ERAP2: variants seen among roughly 807,000 people sequenced by gnomAD.
ERAP2 encodes leukocyte-derived arginine aminopeptidase.
In ERAP2, 118 loss-of-function variants were observed where a neutral mutation model predicts 111.1. The observed-to-expected ratio is 1.06, with a 90% CI of 0.92 to 1.24. The LOEUF is 1.24. ERAP2 is among the 50% of genes most tolerant of loss of function. The pLI is 0.00. For synonymous variants in ERAP2, 410 were observed against 401.2 expected (o/e 1.02, Z -0.26); for missense variants, 1,131 against 1,125.8 (o/e 1.00, Z -0.07).
chr5:96,894,193 C>CTGAA (rs1166210286), intron 6 of ERAP2, among the ~76,000 whole-genome samples: 1 of 152,212 alleles, frequency 6.6e-6, no homozygotes, highest in East Asian at 1.9e-4. Context: ...TAGGTATTTA[C>CTGAA]TGAATGAATG....
intron 15 of ERAP2, among the ~76,000 whole-genome samples, chr5:96,912,199 A>G (rs960150153): frequency 8.0e-5 from 12 of 150,090 alleles, no homozygotes; most frequent in African/African-American, 2.4e-4. Context: ...AAAAAAAAAA[A>G]AAAAAGAAAA....
At position 96,883,940 on chromosome 5, in the gene ERAP2, C is replaced by T. The variant is rs183470843; in HGVS notation, c.714+10C>T. 3 of 1,555,176 alleles carry T rather than the reference C, an allele frequency of 1.9e-6. No homozygotes were observed. Among genetic ancestry groups the T allele is most frequent in the African/African-American group, 2.8e-5 (2 of 71,748 alleles). ...ATCCAACATGCCAAAGGTATGTCCA[C>T]TTCCAGAAACTTTTAGAAATTGTTC... On this transcript the variant is annotated intron_variant, in intron 3 of 18. Coordinates refer to ENST00000437043, the MANE Select transcript of ERAP2 (RefSeq NM_022350.5).
chr5:96,884,212 G>A (rs999149668), intron 3 of ERAP2, among the ~76,000 whole-genome samples: 2 of 152,092 alleles, frequency 1.3e-5, no homozygotes, highest in Admixed American at 6.6e-5. Context: ...TTAAATCTGT[G>A]TTTCTTGGCC....
rs1554055535 is a variant in ERAP2, at chr5:96,887,073, G to GTGTATATA, written c.849+285_849+286insGTATATAT. Among the ~76,000 whole-genome samples the GTGTATATA allele has an allele frequency of 9.2e-4, 80 of 87,194 alleles. 1 individual carries two copies. The highest frequency in any genetic ancestry group is 3.4e-3 in the African/African-American group (78 of 22,808). The allele number at this position is 87,194 out of a possible 152,430, so 57.2% of individuals were successfully genotyped here. A position where few individuals can be genotyped will look rare whatever the true frequency, so the allele number is the denominator to read the frequency against. On this transcript the variant is annotated intron_variant, in intron 4 of 18. Coordinates refer to ENST00000437043, the MANE Select transcript of ERAP2 (RefSeq NM_022350.5). ...TATATATGTAAAGGTAATTTTCAAA[G>GTGTATATA]TATATATATATATATATATATATAT...
rs34261036 is a variant in ERAP2 at position 96,895,352 on chromosome 5, T to G, written c.1232T>G (p.Leu411Arg). The G allele has an allele frequency of 3.8e-3, 6,116 of 1,603,844 alleles. 22 individuals are homozygous for G. The highest frequency in any genetic ancestry group is 0.021 in the Middle Eastern group (124 of 6,040). Residue 411 changes from leucine to arginine, a missense_variant, in exon 7 of 19, where the codon CTG becomes CGG. Transcript: ENST00000437043. ...LIAVNATYPE[L>R]QFDDYFLNVC... The stretch of plus-strand genomic sequence containing the variant: ...GCTGTTAATGCTACATATCCAGAGC[T>G]GCAATTTGTAAGTTCACAATTCTGT...
intron 2 of ERAP2, chr5:96,881,614 G>A (rs976765456): frequency 2.9e-5 from 12 of 411,928 alleles, no homozygotes; most frequent in Non-Finnish European, 5.3e-5. Flanking sequence ...CCAGAAGTAG[G>A]GCAGCTCAGA....
chr5:96,892,294 C>T lies in ERAP2; in HGVS notation c.971-5C>T. ...AACTCAAGTATGGTTGTTCTTATTTCTTAGATTTAATTGCTATTCCTGACT... is the reference window on the plus strand; with the variant it reads ...AACTCAAGTATGGTTGTTCTTATTTTTTAGATTTAATTGCTATTCCTGACT... On this transcript the variant is annotated splice_region_variant and splice_polypyrimidine_tract_variant and intron_variant, in intron 5 of 18. Transcript: ENST00000437043. 4 of 1,613,498 alleles carry T rather than the reference C, an allele frequency of 2.5e-6. No individual in the cohort carries two copies. The highest frequency in any genetic ancestry group is 3.4e-6 in the Non-Finnish European group (4 of 1,179,606).
At chr5:96,915,808 G>A (rs1039106138) in intron 18 of ERAP2, 39 bp downstream of exon 18, 16 of 1,458,028 alleles carry the variant, frequency 1.1e-5, no homozygotes, top group African/African-American at 1.4e-5. Flanking sequence ...CAAAATAAAT[G>A]TTCAAATTGT....
intron 9 of ERAP2, among the ~76,000 whole-genome samples, chr5:96,899,556 A>G (rs1228299692): frequency 3.3e-5 from 5 of 152,194 alleles, no homozygotes; most frequent in Non-Finnish European, 1.5e-5. Flanking sequence ...AGTACTGGTT[A>G]TTCAAGGGTC....
Position 96,912,714 on chromosome 5 carries a change from A to G in ERAP2, c.2432A>G (p.Gln811Arg). Residue 811 changes from glutamine to arginine, a missense_variant, in exon 16 of 19, where the codon CAA becomes CGA. Transcript: ENST00000437043. ...GCAGGATGGAATTACCTTTTAGAGC[A>G]ATATGAACTGTCAATGTCAAGTGCT... is the stretch of plus-strand genomic sequence containing the variant. Reference protein sequence around the residue: ...TTAGWNYLLEQYELSMSSAEQ... With the variant: ...TTAGWNYLLERYELSMSSAEQ... The G allele has an allele frequency of 6.2e-7, 1 of 1,604,404 alleles. No homozygotes were observed. The highest frequency in any genetic ancestry group is 8.5e-7 in the Non-Finnish European group (1 of 1,176,428).
At chr5:96,896,910 G>C in intron 9 of ERAP2, 47 bp downstream of exon 9, 1 of 1,503,408 alleles carries the variant, frequency 6.7e-7, no homozygotes, top group Non-Finnish European at 8.9e-7. Context: ...AATCTAGAAA[G>C]TAACAGAATA....
At chr5:96,884,731 T>A (rs1783547834) in intron 3 of ERAP2, among the ~76,000 whole-genome samples, 1 of 151,802 alleles carries the variant, frequency 6.6e-6, no homozygotes, top group Admixed American at 6.6e-5. Flanking sequence ...CTAACTTTTT[T>A]TGTATTTTCA....
chr5:96,902,353 G>A lies in ERAP2; in HGVS notation c.1828G>A (p.Asp610Asn). The change falls in exon 12 of 19, where the codon GAT becomes AAT. Residue 610 changes from aspartate to asparagine, a missense_variant and splice_region_variant. By Grantham distance (23) the Asp-to-Asn change is conservative. Transcript: ENST00000437043. ...IHRHILKSKT[D>N]TLDLPEKTSW... ...CAGACACATTCTAAAATCAAAGACA[G>A]GTAATGAACTAATTAGCCAAACAGG... 1.2e-6 allele frequency: 2 copies of A among 1,600,268 alleles called. No homozygotes were observed. Among genetic ancestry groups the A allele is most frequent in the Non-Finnish European group, 1.7e-6 (2 of 1,168,042 alleles).
chr5:96,905,936 TC>T (rs1786024696), intron 13 of ERAP2, among the ~76,000 whole-genome samples: 1 of 137,302 alleles, frequency 7.3e-6, no homozygotes, highest in Non-Finnish European at 1.5e-5. Flanking sequence ...AATTTTTTTT[TC>T]TTTTTAATTT....
At chr5:96,909,840 G>A (rs1786512920) in intron 15 of ERAP2, 76 bp downstream of exon 15, 2 of 1,435,322 alleles carry the variant, frequency 1.4e-6, no homozygotes, top group South Asian at 1.3e-5. Flanking sequence ...AAGACATTAG[G>A]TCTAAAACCT....
chr5:96,884,107 G>T (rs779110846), intron 3 of ERAP2, among the ~76,000 whole-genome samples, 177 bp downstream of exon 3: 1 of 150,894 alleles, frequency 6.6e-6, no homozygotes, highest in Non-Finnish European at 1.5e-5. Flanking sequence ...CATTCTAGAC[G>T]TTAACATCAT....
intron 5 of ERAP2, 53 bp downstream of exon 5, chr5:96,889,358 T>G (rs1475404959): frequency 6.3e-7 from 1 of 1,594,174 alleles, no homozygotes; most frequent in Non-Finnish European, 8.6e-7. Flanking sequence ...AAACTTGCTT[T>G]GATCTCTTCC....
At chr5:96,877,912 T>C (rs185788503) in intron 1 of ERAP2, among the ~76,000 whole-genome samples, 4 of 152,326 alleles carry the variant, frequency 2.6e-5, no homozygotes, top group African/African-American at 7.2e-5. Flanking sequence ...TGCATTAATA[T>C]TGCAAATTGA....
At chr5:96,888,210 T>TG (rs1783968857) in intron 4 of ERAP2, among the ~76,000 whole-genome samples, 1 of 152,132 alleles carries the variant, frequency 6.6e-6, no homozygotes, top group African/African-American at 2.4e-5. Flanking sequence ...ACATATGTAT[T>TG]ATGTTCATGA....
Sources: gnomAD v4.1 joint callset for allele counts (sites outside exome capture counted in the v4.1 genomes callset) on GRCh38, gnomAD v4.1.1 for gene constraint, MANE v1.5 for transcripts, NCBI Gene and HGNC (gene_info 2026-07-23, HGNC 2026-07-21) for gene names.